The following RARS2 variants were observed in gnomAD, a reference collection of about 807,000 sequenced individuals.
RARS2 encodes probable arginine--tRNA ligase, mitochondrial.
Under a neutral mutation model 88.5 loss-of-function variants are expected in RARS2, and 67 were observed. The ratio of observed to expected loss-of-function variants is 0.76; its 90% CI spans 0.62 to 0.93. The LOEUF is 0.93. RARS2 is among the 40% of genes least tolerant of loss of function. RARS2 has a pLI of 0.00. For missense variants in RARS2, 664 were observed against 684.2 expected (o/e 0.97, Z 0.33); for synonymous variants, 239 against 230.3 (o/e 1.04, Z -0.34).
At chr6:87,538,758 G>A (rs9450731) in intron 8 of RARS2, among the ~76,000 whole-genome samples, 62,920 of 151,924 alleles carry the variant, frequency 0.41, 13,129 homozygotes, top group Admixed American at 0.48. Context: ...AATAGGTTGG[G>A]TGTGGTGGCT....
intron 1 of RARS2, among the ~76,000 whole-genome samples, chr6:87,570,578 G>A (rs970526291): frequency 1.4e-4 from 21 of 151,996 alleles, no homozygotes; most frequent in African/African-American, 3.4e-4. Context: ...ACCACCAAGC[G>A]CAGCTAATTT....
At chr6:87,563,010 T>G (rs1312682280) in intron 3 of RARS2, among the ~76,000 whole-genome samples, 2 of 152,128 alleles carry the variant, frequency 1.3e-5, no homozygotes, top group Admixed American at 1.3e-4. Context: ...TCAGTCTCTC[T>G]CTTCCTCATT....
intron 8 of RARS2, among the ~76,000 whole-genome samples, chr6:87,540,346 G>A (rs989686728): frequency 7.4e-5 from 11 of 149,454 alleles, no homozygotes; most frequent in South Asian, 6.4e-4. Flanking sequence ...CCAGCTACTC[G>A]TGAGGCTGAG....
At chr6:87,517,854 G>A (rs989815766) in intron 17 of RARS2, among the ~76,000 whole-genome samples, 5 of 152,140 alleles carry the variant, frequency 3.3e-5, no homozygotes, top group African/African-American at 1.2e-4. Flanking sequence ...AGAGCAAGAA[G>A]ATGCTCTTTC....
chr6:87,547,244 T>G (rs2128123270), intron 6 of RARS2, among the ~76,000 whole-genome samples: 1 of 152,340 alleles, frequency 6.6e-6, no homozygotes, highest in South Asian at 2.1e-4. Context: ...ACTTTTGACT[T>G]ACTCATATAG....
At chr6:87,571,836 G>A (rs7760919) in intron 1 of RARS2, among the ~76,000 whole-genome samples, 11,258 of 152,196 alleles carry the variant, frequency 0.074, 602 homozygotes, top group African/African-American at 0.15. Flanking sequence ...TCTTTAAGAG[G>A]CTTGTACATT....
chr6:87,557,422 AG>A (rs1460935529), intron 4 of RARS2, among the ~76,000 whole-genome samples: 1 of 152,218 alleles, frequency 6.6e-6, no homozygotes, highest in African/African-American at 2.4e-5. Context: ...CTAAGTTGAA[AG>A]TCTACAAATC....
At chr6:87,562,590 C>T in intron 4 of RARS2, 112 bp downstream of exon 4, 1 of 776,570 alleles carries the variant, frequency 1.3e-6, no homozygotes, top group Non-Finnish European at 2.3e-6. Flanking sequence ...TCAGTATGTG[C>T]AAAGGTTTTG....
intron 16 of RARS2, 54 bp from the exon 17 acceptor site, chr6:87,518,318 G>A: frequency 6.2e-7 from 1 of 1,612,150 alleles, no homozygotes; most frequent in Non-Finnish European, 8.5e-7. Context: ...TCATACAAGG[G>A]CACAGAGCTG....
intron 2 of RARS2, 37 bp from the exon 3 acceptor site, chr6:87,564,269 C>A (rs773822185): frequency 7.0e-7 from 1 of 1,422,644 alleles, no homozygotes; most frequent in Non-Finnish European, 9.9e-7. Context: ...GAACTGTTAC[C>A]TTAAAAGCAT....
intron 8 of RARS2, 94 bp downstream of exon 8, chr6:87,541,824 A>T (rs1582508086): frequency 1.0e-6 from 1 of 1,002,740 alleles, no homozygotes; most frequent in Non-Finnish European, 1.5e-6. Context: ...ACCCTGTCTC[A>T]AAATAAAGAA....
At position 87,580,545 on chromosome 6, in the gene RARS2, C is replaced by T. The variant is rs182638715; in HGVS notation, c.36+9377G>A. 8.6e-4 allele frequency among the ~76,000 whole-genome samples: 127 copies of T among 147,200 alleles called. 2 individuals carry two copies. The highest frequency in any genetic ancestry group is 3.1e-3 in the African/African-American group (123 of 39,540). ...ATTCCAGCACTTTGGGAGGTTGAGG[C>T]GGGTGGATTACCTGAGGTCAGGAAT... On this transcript the variant is annotated intron_variant, in intron 1 of 19. Coordinates refer to ENST00000369536, the MANE Select transcript of RARS2 (RefSeq NM_020320.5).
chr6:87,525,667 G>A (rs1031533377), intron 10 of RARS2, among the ~76,000 whole-genome samples: 3 of 151,446 alleles, frequency 2.0e-5, no homozygotes, highest in Non-Finnish European at 4.4e-5. Flanking sequence ...TCCTGCTTCA[G>A]CCTCTCAAGT....
chr6:87,589,987 C>A lies in RARS2; in HGVS notation c.-30G>T. 1 of 1,614,170 alleles carries A rather than the reference C, an allele frequency of 6.2e-7. No individual in the cohort carries two copies. The highest frequency in any genetic ancestry group is 1.7e-5 in the Admixed American group (1 of 60,034). On this transcript the variant is annotated 5_prime_UTR_variant, in exon 1 of 20. Transcript: ENST00000369536. ...ACCTCTACGGAAGTGCGCCGCAGTC[C>A]GCCAGTTCCGGCCTCGCCCCACCTC... is the stretch of plus-strand genomic sequence containing the variant.
chr6:87,581,142 G>A (rs187135320), intron 1 of RARS2, among the ~76,000 whole-genome samples: 1 of 152,258 alleles, frequency 6.6e-6, no homozygotes, highest in Non-Finnish European at 1.5e-5. Flanking sequence ...TCTGGCTCTA[G>A]ATAGGTACTA....
chr6:87,519,892 C>A (rs544690386), intron 13 of RARS2, among the ~76,000 whole-genome samples, 185 bp from the exon 14 acceptor site: 1 of 152,124 alleles, frequency 6.6e-6, no homozygotes, highest in East Asian at 1.9e-4. Flanking sequence ...TTTATAATCA[C>A]CAGCATGTGA....
chr6:87,514,567 G>A (rs1048456531), intron 19 of RARS2, 68 bp from the exon 20 acceptor site: 99 of 1,303,504 alleles, frequency 7.6e-5, no homozygotes, highest in Non-Finnish European at 8.9e-6. Flanking sequence ...CATGAGAATG[G>A]TTTTAAAGGT....
Position 87,521,401 on chromosome 6 carries a change from C to G in RARS2, c.1035+63G>C, listed in dbSNP as rs1483227240. ...TTCCATAGTTTTTCAACATGGCATC[C>G]AATTTCTACCTCTGTAGTTTTCATG... On this transcript the variant is annotated intron_variant, in intron 12 of 19. Coordinates refer to ENST00000369536, the MANE Select transcript of RARS2 (RefSeq NM_020320.5). 6 of 1,285,716 alleles carry G rather than the reference C, an allele frequency of 4.7e-6. No individual in the cohort carries two copies. In the Admixed American group the frequency reaches 8.7e-5, roughly 19 times the overall value. 79.6% of individuals were successfully genotyped at this position (1,285,716 alleles called of 1,614,324 possible). A position where few individuals can be genotyped will look rare whatever the true frequency, so the allele number is the denominator to read the frequency against.
intron 11 of RARS2, among the ~76,000 whole-genome samples, chr6:87,524,177 T>C (rs1424051964): frequency 2.0e-5 from 3 of 152,182 alleles, no homozygotes; most frequent in Non-Finnish European, 4.4e-5. Flanking sequence ...ATAAACCCAC[T>C]TCTTACTGAT....
Sources: gnomAD v4.1 joint callset for allele counts (sites outside exome capture counted in the v4.1 genomes callset) on GRCh38, gnomAD v4.1.1 for gene constraint, MANE v1.5 for transcripts, NCBI Gene and HGNC (gene_info 2026-07-23, HGNC 2026-07-21) for gene names.